The following SYNDIG1L variants were observed in gnomAD, a reference collection of about 807,000 sequenced individuals.
SYNDIG1L encodes the protein synapse differentiation-inducing gene protein 1-like.
A neutral mutation model predicts 20.1 loss-of-function variants in SYNDIG1L; 13 were observed. The observed-to-expected ratio is 0.65, with a 90% CI of 0.42 to 1.03. The LOEUF (loss-of-function observed/expected upper bound fraction) is 1.03, where lower values mean the gene tolerates loss of function less well. Ranked by LOEUF, SYNDIG1L falls within the 50% of genes least tolerant of loss-of-function variation. The pLI is 0.00. For missense variants in SYNDIG1L, 294 were observed against 305.1 expected, an observed-to-expected ratio of 0.96 and a Z score of 0.27; for synonymous variants, 128 against 129.3, an observed-to-expected ratio of 0.99 and a Z score of 0.07.
chr14:74,435,031 C>T, the SYNDIG1L span, among the ~76,000 whole-genome samples: 6 of 137,868 alleles, frequency 4.4e-5, no homozygotes, highest in Admixed American at 8.3e-5. Context: ...TGCAGTGAGC[C>T]GAGATCGTGC....
intron 1 of SYNDIG1L, among the ~76,000 whole-genome samples, chr14:74,420,251 C>G (rs2086210738): frequency 6.6e-6 from 1 of 151,838 alleles, no homozygotes; most frequent in Admixed American, 6.6e-5. Flanking sequence ...ACAAAATTAA[C>G]CAGGTGTGGT....
At chr14:74,451,212 A>C in the SYNDIG1L span, among the ~76,000 whole-genome samples, 1 of 152,246 alleles carries the variant, frequency 6.6e-6, no homozygotes, top group African/African-American at 2.4e-5. Flanking sequence ...AGGTGTTGGC[A>C]TCAAGACAGA....
At chr14:74,460,234 C>A in the SYNDIG1L span, among the ~76,000 whole-genome samples, 1 of 152,110 alleles carries the variant, frequency 6.6e-6, no homozygotes, top group South Asian at 2.1e-4. Flanking sequence ...GGGGCTCTTA[C>A]CACCTACTCT....
At chr14:74,445,922 C>T in the SYNDIG1L span, among the ~76,000 whole-genome samples, 1 of 152,082 alleles carries the variant, frequency 6.6e-6, no homozygotes, top group Admixed American at 6.6e-5. Context: ...AAAATTTATT[C>T]CTCAAAATAA....
the SYNDIG1L span, among the ~76,000 whole-genome samples, chr14:74,478,187 G>A: frequency 6.6e-6 from 1 of 151,444 alleles, no homozygotes; most frequent in Non-Finnish European, 1.5e-5. Context: ...AATCCTAATC[G>A]ACCACCCCAC....
At chr14:74,445,454 TTGTGTGTGTGTG>T in the SYNDIG1L span, among the ~76,000 whole-genome samples, 2 of 147,764 alleles carry the variant, frequency 1.4e-5, no homozygotes, top group African/African-American at 2.5e-5. Context: ...GTATTAAAAT[TTGTGTGTGTGTG>T]TGTGTGTGTG....
intron 1 of SYNDIG1L, among the ~76,000 whole-genome samples, chr14:74,422,810 C>T (rs2086234058): frequency 6.6e-6 from 1 of 151,254 alleles, no homozygotes; most frequent in South Asian, 2.1e-4. Context: ...ACCTCCCAGG[C>T]TGAAGTGATT....
At chr14:74,420,628 G>A (rs1392014416) in intron 1 of SYNDIG1L, among the ~76,000 whole-genome samples, 1 of 152,046 alleles carries the variant, frequency 6.6e-6, no homozygotes, top group Admixed American at 6.5e-5. Flanking sequence ...GAAAACCTAA[G>A]GGGAGGCTGC....
upstream of SYNDIG1L, among the ~76,000 whole-genome samples, chr14:74,426,985 G>A (rs1389296652): frequency 2.0e-5 from 3 of 152,004 alleles, no homozygotes; most frequent in Non-Finnish European, 4.4e-5. Flanking sequence ...TGACACATTG[G>A]CACTCAATAG....
In SYNDIG1L at chr14:74,407,212, G is replaced by A; in HGVS notation, c.*323C>T. 2.6e-6 allele frequency: 1 copy of A among 382,442 alleles called. No homozygotes were observed. The highest frequency in any genetic ancestry group is 4.8e-6 in the Non-Finnish European group (1 of 209,808). 23.7% of individuals were successfully genotyped at this position (382,442 alleles called of 1,614,324 possible). ...CAGGGTAGGTGGTGGGCTGGCTGTA[G>A]GGCAGGAGATCCTCTAGGGAATGGG... On this transcript the variant is annotated 3_prime_UTR_variant, in exon 4 of 4. Transcript: ENST00000331628.
chr14:74,455,506 G>A, the SYNDIG1L span, among the ~76,000 whole-genome samples: 281 of 149,610 alleles, frequency 1.9e-3, 1 homozygote, highest in African/African-American at 6.6e-3. Flanking sequence ...AGCGATTCTC[G>A]CCTCCCGAGT....
rs1202332398 is a variant in SYNDIG1L at position 74,406,999 on chromosome 14, C to T, written c.*536G>A. ...GAGACAGCAAGAGGCCCCCTTGCCT[C>T]CACGTATTTCCTTCTTGGCCTGCTG... On this transcript the variant is annotated 3_prime_UTR_variant, in exon 4 of 4. Coordinates refer to ENST00000331628, the MANE Select transcript of SYNDIG1L (RefSeq NM_001105579.2). 1 of 158,838 alleles carries T rather than the reference C, an allele frequency of 6.3e-6. No individual in the cohort carries two copies. The highest frequency in any genetic ancestry group is 1.9e-4 in the East Asian group (1 of 5,280). 9.8% of individuals were successfully genotyped at this position (158,838 alleles called of 1,614,324 possible).
intron 1 of SYNDIG1L, among the ~76,000 whole-genome samples, chr14:74,419,488 G>C (rs1374483856): frequency 1.3e-5 from 2 of 152,196 alleles, no homozygotes; most frequent in African/African-American, 2.4e-5. Flanking sequence ...GGGGTAGATG[G>C]AATACATCTG....
chr14:74,449,438 CAAAA>C, the SYNDIG1L span, among the ~76,000 whole-genome samples: 19 of 34,012 alleles, frequency 5.6e-4, no homozygotes, highest in South Asian at 4.2e-3. Flanking sequence ...CCTGTCTTTA[CAAAA>C]AAAAAAAAAA....
the SYNDIG1L span, among the ~76,000 whole-genome samples, chr14:74,453,379 AAAAAAAAAAAAAG>A: frequency 1.3e-4 from 9 of 66,786 alleles, no homozygotes; most frequent in African/African-American, 4.0e-4. Context: ...AAAAAAAAAA[AAAAAAAAAAAAAG>A]AAGAAGAAGA....
At chr14:74,458,942 C>T in the SYNDIG1L span, among the ~76,000 whole-genome samples, 6 of 152,054 alleles carry the variant, frequency 3.9e-5, no homozygotes, top group African/African-American at 1.2e-4. Flanking sequence ...GGAAGTGTGC[C>T]TGTTTCGTGT....
rs201373157 is a variant in SYNDIG1L at position 74,407,610 on chromosome 14, G to A, written c.642C>T (p.Ile214=). 1.5e-5 allele frequency: 25 copies of A among 1,614,140 alleles called. No homozygotes were observed. The highest frequency in any genetic ancestry group is 1.9e-5 in the Non-Finnish European group (22 of 1,179,980). ...CCACGTAGAGACCGGCCCCCACGGCGATGGCGAGTGTGGCTAGGAAGAGGG... is the reference window on the plus strand; with the variant it reads ...CCACGTAGAGACCGGCCCCCACGGCAATGGCGAGTGTGGCTAGGAAGAGGG... ...RRALFLATLA[I]AVGAGLYVAV... The change falls in exon 4 of 4, where the codon ATC becomes ATT. Residue 214 remains isoleucine, a synonymous_variant. Transcript: ENST00000331628.
At chr14:74,411,854 T>A (rs939817080) in intron 1 of SYNDIG1L, among the ~76,000 whole-genome samples, 3 of 152,048 alleles carry the variant, frequency 2.0e-5, no homozygotes, top group Admixed American at 2.0e-4. Flanking sequence ...TAACAAATAA[T>A]CATGGGGGTT....
intron 1 of SYNDIG1L, among the ~76,000 whole-genome samples, chr14:74,420,406 AAAT>A (rs1037638143): frequency 3.3e-5 from 5 of 151,360 alleles, no homozygotes; most frequent in African/African-American, 1.2e-4. Flanking sequence ...AAAAAAAAAA[AAAT>A]GCAGGCAGGA....
Sources: allele counts gnomAD v4.1 joint callset (sites outside exome capture counted in the v4.1 genomes callset), GRCh38; gene constraint gnomAD v4.1.1; transcripts MANE v1.5; gene names NCBI Gene and HGNC (gene_info 2026-07-23, HGNC 2026-07-21).